Variants in CLIP1 observed in about 807,000 individuals in gnomAD.
CLIP1 encodes CAP-Gly domain containing linker protein 1, also known as CAP-Gly domain-containing linker protein 1.
A neutral mutation model predicts 161.6 loss-of-function variants in CLIP1; 66 were observed. The ratio of observed to expected loss-of-function variants is 0.41; its 90% CI spans 0.33 to 0.50. The LOEUF (loss-of-function observed/expected upper bound fraction) is 0.50. Among genes scored for constraint, CLIP1 ranks in the 20% least tolerant of loss-of-function variants. CLIP1 has a pLI of 0.27. For synonymous variants in CLIP1, 598 were observed against 626.2 expected, an observed-to-expected ratio of 0.96 and a Z score of 0.67; for missense variants, 1,376 against 1,702.0, an observed-to-expected ratio of 0.81 and a Z score of 3.37.
chr12:122,276,501 A>C, intron 24 of CLIP1: 1 of 1,287,780 alleles, frequency 7.8e-7, no homozygotes, highest in South Asian at 1.2e-5. Context: ...GCAGAAAGGA[A>C]GGGGGAAGAG....
chr12:122,421,496 C>T (rs1956940692), intron 1 of CLIP1, among the ~76,000 whole-genome samples: 1 of 152,104 alleles, frequency 6.6e-6, no homozygotes. Context: ...CTGCTAGGGG[C>T]CACTGTCCTA....
intron 17 of CLIP1, 141 bp downstream of exon 17, chr12:122,327,806 C>G: frequency 1.5e-6 from 1 of 668,926 alleles, no homozygotes; most frequent in Non-Finnish European, 2.6e-6. Flanking sequence ...AATGTACCAC[C>G]CTGCCACGCA....
In CLIP1 at chr12:122,326,478, G is replaced by A. The variant is rs114942684; in HGVS notation, c.3249+1469C>T. Among the ~76,000 whole-genome samples the A allele has an allele frequency of 2.2e-3, 336 of 152,330 alleles. 1 individual carries two copies. The highest frequency in any genetic ancestry group is 7.8e-3 in the African/African-American group (325 of 41,580). ...GTGGATCGCTTGCATCCAGGGGTTC[G>A]AGACCAGCCTGAGCAACATAGCGAG... On this transcript the variant is annotated intron_variant, in intron 17 of 25. Coordinates refer to ENST00000620786, the MANE Select transcript of CLIP1 (RefSeq NM_001247997.2).
chr12:122,375,939 CTTATT>C (rs1954704888), intron 3 of CLIP1, among the ~76,000 whole-genome samples: 1 of 151,654 alleles, frequency 6.6e-6, no homozygotes, highest in Non-Finnish European at 1.5e-5. Flanking sequence ...CCATGTCCGG[CTTATT>C]TTAATTTTGT....
chr12:122,411,908 A>G (rs1470516223), intron 1 of CLIP1, among the ~76,000 whole-genome samples: 3 of 152,168 alleles, frequency 2.0e-5, no homozygotes, highest in African/African-American at 7.2e-5. Flanking sequence ...TGATGGGTGC[A>G]TAACTGCGAA....
At chr12:122,291,334 T>C (rs541827320) in intron 20 of CLIP1, among the ~76,000 whole-genome samples, 1 of 151,530 alleles carries the variant, frequency 6.6e-6, no homozygotes, top group East Asian at 1.9e-4. Flanking sequence ...GGATTACAGA[T>C]GTGTGCTACC....
At chr12:122,354,424 A>T in intron 7 of CLIP1, 29 bp downstream of exon 7, 2 of 1,577,616 alleles carry the variant, frequency 1.3e-6, no homozygotes, top group Non-Finnish European at 1.7e-6. Context: ...GAAAGGCCAC[A>T]CTTGCACCAG....
At chr12:122,299,354 C>T (rs77552326) in intron 20 of CLIP1, among the ~76,000 whole-genome samples, 15,462 of 151,708 alleles carry the variant, frequency 0.1, 2,571 homozygotes, top group African/African-American at 0.35. Context: ...AAACAAGAAA[C>T]TTAAAAGATA....
At chr12:122,399,519 C>CA (rs1956067918) in intron 1 of CLIP1, 1 of 152,186 alleles carries the variant, frequency 6.6e-6, no homozygotes, top group South Asian at 2.1e-4. Context: ...CACATCTCTA[C>CA]ACATCAGACC....
chr12:122,362,702 T>A (rs368135288), intron 4 of CLIP1, among the ~76,000 whole-genome samples: 460 of 13,534 alleles, frequency 0.034, no homozygotes, highest in African/African-American at 0.043. Flanking sequence ...TCTGTTTCAA[T>A]AAAAATATGA....
intron 19 of CLIP1, among the ~76,000 whole-genome samples, chr12:122,315,671 C>T (rs1406820841): frequency 7.0e-6 from 1 of 142,006 alleles, no homozygotes; most frequent in Non-Finnish European, 1.5e-5. Flanking sequence ...GATGGAGTCT[C>T]GCTCTGTCAC....
In CLIP1 at chr12:122,364,086, C is replaced by G; in HGVS notation, c.679G>C (p.Val227Leu). The G allele has an allele frequency of 6.2e-7, 1 of 1,614,182 alleles. No individual in the cohort carries two copies. Reference protein sequence around the residue: ...RVLVGGTKAGVVRFLGETDFA... With the variant: ...RVLVGGTKAGLVRFLGETDFA... ...TCGGTCTCCCCAAGAAACCGGACTA[C>G]ACCAGCCTTAGTGCCACCAACCTGG... The change falls in exon 4 of 26, where the codon GTA becomes CTA. Residue 227 changes from valine to leucine, a missense_variant. By Grantham distance (32) the Val-to-Leu change is conservative. Around this residue, in one of 6 missense-constraint regions of CLIP1, gnomAD observed 211 missense variants for 295.1 expected, o/e 0.72. Coordinates refer to ENST00000620786, the MANE Select transcript of CLIP1 (RefSeq NM_001247997.2).
intron 1 of CLIP1, among the ~76,000 whole-genome samples, chr12:122,389,758 CAAAAAAAAAAA>C (rs57168188): frequency 1.5e-3 from 107 of 69,292 alleles, no homozygotes; most frequent in Non-Finnish European, 1.9e-3. Context: ...GATCCTGTCT[CAAAAAAAAAAA>C]AAAAAAAAAA....
chr12:122,354,401 A>C (rs1953221437), intron 7 of CLIP1, 52 bp downstream of exon 7: 3 of 1,366,108 alleles, frequency 2.2e-6, no homozygotes, highest in South Asian at 2.5e-5. Flanking sequence ...TCTCAAAAAC[A>C]AAAAAAAAGG....
intron 1 of CLIP1, among the ~76,000 whole-genome samples, chr12:122,384,301 T>C (rs907847332): frequency 1.3e-5 from 2 of 152,184 alleles, no homozygotes; most frequent in African/African-American, 2.4e-5. Context: ...ACTACAAGAA[T>C]GACCTACATA....
rs545148447 is a variant in CLIP1 at position 122,305,975 on chromosome 12, T to C, written c.3594+3787A>G. 4.0e-5 allele frequency among the ~76,000 whole-genome samples: 6 copies of C among 150,524 alleles called. No homozygotes were observed. The East Asian group carries it at 1.2e-3, about 30-fold the overall frequency. On this transcript the variant is annotated intron_variant, in intron 20 of 25. Transcript: ENST00000620786. ...CCCAGCTGCTAGGAAGGCTGAGGCATGAGAATCACTTAAGCCCAGGAGGCC... is the reference window on the plus strand; with the variant it reads ...CCCAGCTGCTAGGAAGGCTGAGGCACGAGAATCACTTAAGCCCAGGAGGCC...
chr12:122,284,122 C>A (rs1185743907), intron 21 of CLIP1, among the ~76,000 whole-genome samples: 1 of 152,080 alleles, frequency 6.6e-6, no homozygotes, highest in East Asian at 1.9e-4. Flanking sequence ...ATTCAGGTTT[C>A]TAAAACAGAA....
At chr12:122,286,092 G>A (rs1232011852) in intron 21 of CLIP1, among the ~76,000 whole-genome samples, 10 of 152,122 alleles carry the variant, frequency 6.6e-5, no homozygotes, top group African/African-American at 2.4e-4. Context: ...GCACATCACT[G>A]TTGTGATACG....
intron 14 of CLIP1, 140 bp from the exon 15 acceptor site, chr12:122,333,283 A>G: frequency 3.1e-6 from 2 of 644,112 alleles, no homozygotes; most frequent in Non-Finnish European, 5.3e-6. Context: ...GAAGGCACAC[A>G]ATAAGCAAGA....
Sources: allele counts gnomAD v4.1 joint callset (sites outside exome capture counted in the v4.1 genomes callset), GRCh38; gene constraint gnomAD v4.1.1; regional missense constraint gnomAD v4.1.1; transcripts MANE v1.5; gene names NCBI Gene and HGNC (gene_info 2026-07-23, HGNC 2026-07-21).